HYOU1: variants seen among roughly 807,000 people sequenced by gnomAD.
The protein encoded by HYOU1 is hypoxia up-regulated protein 1.
HYOU1 carries 40 observed loss-of-function variants against 120.5 expected under a neutral mutation model. The ratio of observed to expected loss-of-function variants is 0.33; its 90% CI spans 0.26 to 0.43. HYOU1 has a LOEUF of 0.43. HYOU1 is among the 20% of genes least tolerant of loss of function. The pLI, the probability that HYOU1 is intolerant of heterozygous loss-of-function variation, is 1.00. For missense variants in HYOU1, 1,085 were observed against 1,278.3 expected (o/e 0.85, Z 2.31); for synonymous variants, 501 against 479.4 (o/e 1.05, Z -0.59).
chr11:119,046,788 T>A lies in HYOU1; in HGVS notation c.2610A>T (p.Ala870=). 1 of 1,600,330 alleles carries A rather than the reference T, an allele frequency of 6.2e-7. No homozygotes were observed. Among genetic ancestry groups the A allele is most frequent in the Non-Finnish European group, 8.5e-7 (1 of 1,179,940 alleles). Residue 870 remains alanine, a synonymous_variant, in exon 23 of 26, where the codon GCA becomes GCT. Transcript: ENST00000617285. ...VINETWAWKN[A]TLAEQAKLPA... is the part of the protein sequence containing the mutation. ...GCAGCTTAGCCTGCTCGGCCAGAGTTGCATTCTTCCAGGCCTGTGGGTGAG... is the reference window on the plus strand; with the variant it reads ...GCAGCTTAGCCTGCTCGGCCAGAGTAGCATTCTTCCAGGCCTGTGGGTGAG...
intron 7 of HYOU1, 48 bp downstream of exon 7, chr11:119,054,446 C>T (rs983344975): frequency 2.5e-6 from 4 of 1,591,664 alleles, no homozygotes; most frequent in Non-Finnish European, 3.4e-6. Context: ...GGCCTCCATC[C>T]TTAGATTCAG....
In HYOU1 at chr11:119,048,750, T is replaced by A. The variant is rs2133566822; in HGVS notation, c.2129A>T (p.Asp710Val). Reference protein sequence around the residue: ...GVELVVLDLPDLPEDKLAQSV... With the variant: ...GVELVVLDLPVLPEDKLAQSV... ...CTGAGCCAGCTTATCCTCTGGCAAG[T>A]CAGGCAGGTCCAGAACAACCAGCTC... Residue 710 changes from aspartate to valine, a missense_variant, in exon 18 of 26, where the codon GAC becomes GTC. Physicochemically the swap from Asp to Val is radical, Grantham distance 152. Around this residue, in one of 4 missense-constraint regions of HYOU1, gnomAD observed 516 missense variants for 517.1 expected, o/e 1.00. Transcript: ENST00000617285. This position sits in a 1 kb window ranked among gnomAD's most constrained non-coding sequence, Gnocchi z 4.7. The A allele has an allele frequency of 6.2e-7, 1 of 1,613,030 alleles. No homozygotes were observed. The highest frequency in any genetic ancestry group is 8.5e-7 in the Non-Finnish European group (1 of 1,179,598).
In HYOU1 at chr11:119,055,378, C is replaced by G. The variant is rs782241729; in HGVS notation, c.265-39G>C. 2 of 1,608,740 alleles carry G rather than the reference C, an allele frequency of 1.2e-6. No individual in the cohort carries two copies. The highest frequency in any genetic ancestry group is 1.7e-6 in the Non-Finnish European group (2 of 1,176,208). On this transcript the variant is annotated intron_variant, in intron 4 of 25. Coordinates refer to ENST00000617285, the MANE Select transcript of HYOU1 (RefSeq NM_006389.5). The surrounding 1 kb of genome is among the most constrained non-coding windows in gnomAD (Gnocchi z 4.0). ...AAGGAGCAGACTAGTATTAGGCTCC[C>G]AAGTCCACCATTACCTACCTCTTAC...
At position 119,049,102 on chromosome 11, in the gene HYOU1, G is replaced by A. The variant is rs2133569587; in HGVS notation, c.1908C>T (p.Pro636=). 6.2e-7 allele frequency: 1 copy of A among 1,614,070 alleles called. No individual in the cohort carries two copies. Among genetic ancestry groups the A allele is most frequent in the Non-Finnish European group, 8.5e-7 (1 of 1,179,998 alleles). ...AEAPVEDGSQ[P]PPPEPKGDAT... is the part of the protein sequence containing the mutation. ...CATCTCCCTTAGGTTCAGGGGGTGG[G>A]GGCTGAGAGCCATCCTCCACTGGGG... The change falls in exon 17 of 26, where the codon CCC becomes CCT. Residue 636 remains proline, a synonymous_variant. Transcript: ENST00000617285.
rs1267752871 is a variant in HYOU1, at chr11:119,051,429, G to A, written c.1526+9C>T. 2 of 1,613,382 alleles carry A rather than the reference G, an allele frequency of 1.2e-6. No homozygotes were observed. Among genetic ancestry groups the A allele is most frequent in the African/African-American group, 1.3e-5 (1 of 74,852 alleles). ...CCTGGAGCTCCCATCCTACACCCCT[G>A]CCCCTCACCGAAGATCTTCAGGCCC... On this transcript the variant is annotated intron_variant, in intron 13 of 25. Coordinates refer to ENST00000617285, the MANE Select transcript of HYOU1 (RefSeq NM_006389.5). The surrounding 1 kb of genome is among the most constrained non-coding windows in gnomAD (Gnocchi z 4.2).
intron 8 of HYOU1, chr11:119,053,241 A>G: frequency 5.6e-6 from 1 of 177,060 alleles, no homozygotes; most frequent in Admixed American, 5.7e-5. Flanking sequence ...AGGGAGACCC[A>G]AGAACATGTC....
intron 14 of HYOU1, among the ~76,000 whole-genome samples, chr11:119,050,699 T>TA (rs1236044456): frequency 8.9e-6 from 1 of 112,778 alleles, no homozygotes; most frequent in Non-Finnish European, 1.7e-5. Flanking sequence ...CCAGCTTAAG[T>TA]AACAGAGCCA....
chr11:119,047,880 G>A, intron 21 of HYOU1, 62 bp from the exon 22 acceptor site: 1 of 1,613,328 alleles, frequency 6.2e-7, no homozygotes, highest in Non-Finnish European at 8.5e-7. Context: ...GTGGGGAGTG[G>A]GAAGCTGGTA....
Position 119,046,568 on chromosome 11 carries a change from G to A in HYOU1, c.2830C>T (p.Pro944Ser), listed in dbSNP as rs147479884. The A allele has an allele frequency of 6.2e-7, 1 of 1,613,690 alleles. No homozygotes were observed. The highest frequency in any genetic ancestry group is 1.1e-5 in the South Asian group (1 of 91,060). The change falls in exon 23 of 26, where the codon CCA (proline) becomes TCA (serine). Residue 944 changes from proline to serine, a missense_variant. By Grantham distance (74) the Pro-to-Ser change is moderately conservative. Around this residue, in one of 4 missense-constraint regions of HYOU1, gnomAD observed 516 missense variants for 517.1 expected, o/e 1.00. Coordinates refer to ENST00000617285, the MANE Select transcript of HYOU1 (RefSeq NM_006389.5). ...ASDQGEKVIPPAGQTEDAEPI... is the reference protein window; with the variant it reads ...ASDQGEKVIPSAGQTEDAEPI... Reference sequence around the variant, plus strand: ...CCAGGTACCCTGTTCTCACCTGCTGGAGGGATGACCTTCTCCCCCTGGTCA... The same window carrying A: ...CCAGGTACCCTGTTCTCACCTGCTGAAGGGATGACCTTCTCCCCCTGGTCA...
chr11:119,046,502 G>A (rs2133550463), intron 23 of HYOU1, 35 bp from the exon 24 acceptor site: 6 of 1,614,102 alleles, frequency 3.7e-6, no homozygotes, highest in East Asian at 2.2e-5. Flanking sequence ...ATAGCCTCAG[G>A]AAGGAAAGGA....
At position 119,051,100 on chromosome 11, in the gene HYOU1, A is replaced by T; in HGVS notation, c.1600T>A (p.Tyr534Asn). 1 of 1,614,190 alleles carries T rather than the reference A, an allele frequency of 6.2e-7. No homozygotes were observed. Among genetic ancestry groups the T allele is most frequent in the South Asian group, 1.1e-5 (1 of 91,082 alleles). ...TGAGCCTTGATGCCCTTGGACTCGT[A>T]GTCAGGATACTTCTTGAAGCTGTCA... Reference protein sequence around the residue: ...VGDSFKKYPDYESKGIKAHFN... With the variant: ...VGDSFKKYPDNESKGIKAHFN... The change falls in exon 14 of 26, where the codon TAC becomes AAC. Residue 534 changes from tyrosine to asparagine, a missense_variant. Coordinates refer to ENST00000617285, the MANE Select transcript of HYOU1 (RefSeq NM_006389.5). The surrounding 1 kb of genome is among the most constrained non-coding windows in gnomAD (Gnocchi z 4.2).
chr11:119,049,189 G>A lies in HYOU1; in HGVS notation c.1821C>T (p.Ser607=), dbSNP rs1328052126. ...GCTCGTCCTTGCTCCCCTCTGCAGG[G>A]CTCTCCTCTTCCTCCTGGGAAACAC... is the stretch of plus-strand genomic sequence containing the variant. ...GTDTVQEEEE[S]PAEGSKDEPG... Residue 607 remains serine, a synonymous_variant, in exon 17 of 26, where the codon AGC becomes AGT. Transcript: ENST00000617285. 6 of 1,598,206 alleles carry A rather than the reference G, an allele frequency of 3.8e-6. No homozygotes were observed. The highest frequency in any genetic ancestry group is 3.5e-5 in the Admixed American group (2 of 57,404).
chr11:119,048,203 A>G lies in HYOU1; in HGVS notation c.2376+45T>C, dbSNP rs2133561668. On this transcript the variant is annotated intron_variant, in intron 20 of 25. Coordinates refer to ENST00000617285, the MANE Select transcript of HYOU1 (RefSeq NM_006389.5). This position sits in a 1 kb window ranked among gnomAD's most constrained non-coding sequence, Gnocchi z 4.7. The stretch of plus-strand genomic sequence containing the variant: ...CTCTCTCTCTGACCCTGGGAGAGGA[A>G]GGAGAGCTCCCACTCCACCTGCCAT... 1.1e-5 allele frequency: 17 copies of G among 1,606,528 alleles called. No homozygotes were observed. Among genetic ancestry groups the G allele is most frequent in the Middle Eastern group, 2.2e-4 (1 of 4,502 alleles).
rs146651379 is a variant in HYOU1, at chr11:119,048,523, G to A, written c.2206C>T (p.Arg736Trp). ...LTLRDLEKQE[R>W]EKAANSLEAF... ...TCCAAGCTGTTGGCAGCTTTTTCCC[G>A]TTCCTGCTTCTCCAGGTCTCGGAGT... The change falls in exon 19 of 26, where the codon CGG becomes TGG. Residue 736 changes from arginine to tryptophan, a missense_variant. By Grantham distance (101) the Arg-to-Trp change is moderately radical. Transcript: ENST00000617285. The surrounding 1 kb of genome is among the most constrained non-coding windows in gnomAD (Gnocchi z 4.7). The A allele has an allele frequency of 5.7e-5, 92 of 1,613,902 alleles. No homozygotes were observed. The highest frequency in any genetic ancestry group is 1.6e-4 in the Middle Eastern group (1 of 6,084).
chr11:119,053,500 A>G (rs2133599686), intron 8 of HYOU1: 126,861 of 152,434 alleles, frequency 0.83, 53,093 homozygotes, highest in East Asian at 0.95. Context: ...TGAGACAGGC[A>G]CAGGGAAAGT....
In HYOU1 at chr11:119,057,105, C is replaced by G. The variant is rs2133620023; in HGVS notation, c.-93G>C. The G allele has an allele frequency of 6.6e-6, 1 of 152,212 alleles. No homozygotes were observed. The highest frequency in any genetic ancestry group is 1.5e-5 in the Non-Finnish European group (1 of 68,064). The allele number at this position is 152,212 out of a possible 1,614,324, so 9.4% of individuals were successfully genotyped here. On this transcript the variant is annotated 5_prime_UTR_variant, in exon 1 of 26. Transcript: ENST00000617285. ...AGGCCGGCAGCGCCCCCCACCCGCGCCCTTCACAACTCCTCTCGGTTTGCA... is the reference window on the plus strand; with the variant it reads ...AGGCCGGCAGCGCCCCCCACCCGCGGCCTTCACAACTCCTCTCGGTTTGCA...
At position 119,045,362 on chromosome 11, in the gene HYOU1, C is replaced by A; in HGVS notation, c.*231G>T. Reference sequence around the variant, plus strand: ...ATTTAGGGCCTATATGGGTAGGGAACAGGGAGTGGGGCTGGGGAGGAGAAC... The same window carrying A: ...ATTTAGGGCCTATATGGGTAGGGAAAAGGGAGTGGGGCTGGGGAGGAGAAC... On this transcript the variant is annotated 3_prime_UTR_variant, in exon 26 of 26. Transcript: ENST00000617285. 1 of 677,936 alleles carries A rather than the reference C, an allele frequency of 1.5e-6. No individual in the cohort carries two copies. 42.0% of individuals were successfully genotyped at this position (677,936 alleles called of 1,614,324 possible).
intron 1 of HYOU1, chr11:119,056,498 G>C: frequency 2.4e-6 from 1 of 416,416 alleles, no homozygotes; most frequent in Middle Eastern, 4.0e-4. Flanking sequence ...CACTGTGCCT[G>C]TTGTCAGACA....
intron 16 of HYOU1, 97 bp downstream of exon 16, chr11:119,049,459 A>C: frequency 1.3e-6 from 2 of 1,552,936 alleles, no homozygotes; most frequent in Non-Finnish European, 1.8e-6. Context: ...TTAACACAAC[A>C]GGGGCAGGGG....
Sources: allele counts gnomAD v4.1 joint callset (sites outside exome capture counted in the v4.1 genomes callset), GRCh38; gene constraint gnomAD v4.1.1; regional missense constraint gnomAD v4.1.1; non-coding constraint Gnocchi (gnomAD v3.1); transcripts MANE v1.5; gene names NCBI Gene and HGNC (gene_info 2026-07-23, HGNC 2026-07-21).